Variants in AGPAT4 observed in about 807,000 individuals in gnomAD.
AGPAT4 encodes 1-acyl-sn-glycerol-3-phosphate acyltransferase delta.
Under a neutral mutation model 48.0 loss-of-function variants are expected in AGPAT4, and 15 were observed. That is an observed-to-expected ratio of 0.31 (90% CI 0.21 to 0.48). The LOEUF is 0.48. Among genes scored for constraint, AGPAT4 ranks in the 20% least tolerant of loss-of-function variants. The probability of loss-of-function intolerance (pLI) is 0.99; values close to 1 mark genes in which losing one functional copy is unlikely to be tolerated. For missense variants in AGPAT4, 314 were observed against 482.5 expected (o/e 0.65, Z 3.27); for synonymous variants, 178 against 198.7 (o/e 0.90, Z 0.88).
At chr6:161,237,075 A>T (rs567926282) in intron 1 of AGPAT4, among the ~76,000 whole-genome samples, 1 of 152,320 alleles carries the variant, frequency 6.6e-6, no homozygotes, top group Non-Finnish European at 1.5e-5. Context: ...CGGATACATT[A>T]TTGGAATTTT....
In AGPAT4 at chr6:161,154,317, CAGA is replaced by C. The variant is rs1328082529; in HGVS notation, c.349-10_349-8del. The C allele has an allele frequency of 1.2e-5, 19 of 1,613,978 alleles. No homozygotes were observed. Among genetic ancestry groups the C allele is most frequent in the African/African-American group, 2.7e-5 (2 of 74,932 alleles). On this transcript the variant is annotated splice_region_variant and splice_polypyrimidine_tract_variant and intron_variant, in intron 3 of 8. Transcript: ENST00000320285. The surrounding 1 kb of genome is among the most constrained non-coding windows in gnomAD (Gnocchi z 7.8). ...TGGCCAGGACCTTGGAGCCCTGAAACAGAAGAAGGAGCCCAGGTGCCCATGAAG... is the reference window on the plus strand; with the variant it reads ...TGGCCAGGACCTTGGAGCCCTGAAACAGAAGGAGCCCAGGTGCCCATGAAG...
chr6:161,272,968 A>G lies in AGPAT4; in HGVS notation c.-90+970T>C, dbSNP rs1013372452. Among the ~76,000 whole-genome samples the G allele has an allele frequency of 4.6e-5, 7 of 152,220 alleles. No homozygotes were observed. The highest frequency in any genetic ancestry group is 1.7e-4 in the African/African-American group (7 of 41,452). On this transcript the variant is annotated intron_variant, in intron 1 of 8. Transcript: ENST00000320285. This position sits in a 1 kb window ranked among gnomAD's most constrained non-coding sequence, Gnocchi z 4.2. ...TGTTGAACTTAAGATTTGGAGCTAA[A>G]TAAGTGCAGATGAGAGCAAAGACCC... is the stretch of plus-strand genomic sequence containing the variant.
rs981456739 is a variant in AGPAT4, at chr6:161,132,096, C to T, written c.*4444G>A. 6.6e-6 allele frequency: 1 copy of T among 152,148 alleles called. No individual in the cohort carries two copies. Among genetic ancestry groups the T allele is most frequent in the Non-Finnish European group, 1.5e-5 (1 of 68,074 alleles). The allele number at this position is 152,148 out of a possible 1,614,324, so 9.4% of individuals were successfully genotyped here. ...GAACCTGGGCCTTCATTACGGGCTC[C>T]GGTTTTGGAGTGCAGAGGGATTGGC... On this transcript the variant is annotated 3_prime_UTR_variant, in exon 9 of 9. Coordinates refer to ENST00000320285, the MANE Select transcript of AGPAT4 (RefSeq NM_020133.3).
intron 8 of AGPAT4, 38 bp from the exon 9 acceptor site, chr6:161,136,672 A>G (rs1160641841): frequency 1.3e-6 from 2 of 1,563,194 alleles, no homozygotes. Context: ...GAGTAGCCCA[A>G]ACAGACTACA....
intron 2 of AGPAT4, among the ~76,000 whole-genome samples, chr6:161,193,136 T>C (rs1216004376): frequency 6.6e-6 from 1 of 152,216 alleles, no homozygotes; most frequent in Non-Finnish European, 1.5e-5. Flanking sequence ...TCCATCCCCA[T>C]CTTCTGGAAG....
rs1462318019 is a variant in AGPAT4, at chr6:161,169,167, G to A, written c.179-2750C>T. 1.3e-5 allele frequency among the ~76,000 whole-genome samples: 2 copies of A among 152,118 alleles called. No individual in the cohort carries two copies. Among genetic ancestry groups the A allele is most frequent in the Non-Finnish European group, 2.9e-5 (2 of 68,030 alleles). On this transcript the variant is annotated intron_variant, in intron 2 of 8. Coordinates refer to ENST00000320285, the MANE Select transcript of AGPAT4 (RefSeq NM_020133.3). This position sits in a 1 kb window ranked among gnomAD's most constrained non-coding sequence, Gnocchi z 5.0. Reference sequence around the variant, plus strand: ...TCACAGAGACTTCTGGGTTACCAGAGTAAGGAGTTATGATTTATGATTTCA... The same window carrying A: ...TCACAGAGACTTCTGGGTTACCAGAATAAGGAGTTATGATTTATGATTTCA...
intron 5 of AGPAT4, among the ~76,000 whole-genome samples, chr6:161,151,303 G>A (rs1779586776): frequency 6.6e-6 from 1 of 152,242 alleles, no homozygotes; most frequent in Non-Finnish European, 1.5e-5. Context: ...CATCCCATGT[G>A]CACAGTGCGT....
rs944172356 is a variant in AGPAT4 at position 161,249,967 on chromosome 6, G to A, written c.-89-17665C>T. Among the ~76,000 whole-genome samples the A allele has an allele frequency of 2.0e-5, 3 of 152,200 alleles. No homozygotes were observed. The highest frequency in any genetic ancestry group is 1.5e-5 in the Non-Finnish European group (1 of 68,040). ...CCTCAATGCCCATCAATAGTAGACT[G>A]GATAAAGGAAATGTGGTACATATAT... On this transcript the variant is annotated intron_variant, in intron 1 of 8. Coordinates refer to ENST00000320285, the MANE Select transcript of AGPAT4 (RefSeq NM_020133.3). The surrounding 1 kb of genome is among the most constrained non-coding windows in gnomAD (Gnocchi z 6.2).
chr6:161,170,420 ATAGT>A (rs1216597658), intron 2 of AGPAT4, among the ~76,000 whole-genome samples: 1 of 151,962 alleles, frequency 6.6e-6, no homozygotes, highest in Non-Finnish European at 1.5e-5. Flanking sequence ...AAATAGTCTT[ATAGT>A]TTTTTCCCCT....
chr6:161,149,023 A>T lies in AGPAT4; in HGVS notation c.767+164T>A, dbSNP rs1779515733. ...AGGAGCTGGGACGGAAGGAGACTTC[A>T]GCAGATCATTCCAATAGTAGGATGT... On this transcript the variant is annotated intron_variant, in intron 6 of 8. Transcript: ENST00000320285. This position sits in a 1 kb window ranked among gnomAD's most constrained non-coding sequence, Gnocchi z 6.5. 3 of 564,652 alleles carry T rather than the reference A, an allele frequency of 5.3e-6. No individual in the cohort carries two copies. Among genetic ancestry groups the T allele is most frequent in the East Asian group, 1.5e-4 (1 of 6,856 alleles). 35.0% of individuals were successfully genotyped at this position (564,652 alleles called of 1,614,324 possible). A position where few individuals can be genotyped will look rare whatever the true frequency, so the allele number is the denominator to read the frequency against.
In AGPAT4 at chr6:161,219,893, A is replaced by AGGCAGGCAGGCAGGCAGGCAGGC. The variant is rs1410490202; in HGVS notation, c.178+12120_178+12142dup. Among the ~76,000 whole-genome samples the AGGCAGGCAGGCAGGCAGGCAGGC allele has an allele frequency of 7.3e-6, 1 of 137,590 alleles. No individual in the cohort carries two copies. The highest frequency in any genetic ancestry group is 3.1e-5 in the African/African-American group (1 of 32,448). 90.3% of individuals were successfully genotyped at this position (137,590 alleles called of 152,430 possible). ...TAGATAGGCAGGCAGGCAGGCAGGC[A>AGGCAGGCAGGCAGGCAGGCAGGC]GGCAGGCAGGCAGGCAGGCAGGCGG... On this transcript the variant is annotated intron_variant, in intron 2 of 8. Coordinates refer to ENST00000320285, the MANE Select transcript of AGPAT4 (RefSeq NM_020133.3). The surrounding 1 kb of genome is among the most constrained non-coding windows in gnomAD (Gnocchi z 4.9).
Position 161,266,716 on chromosome 6 carries a change from C to T in AGPAT4, c.-90+7222G>A, listed in dbSNP as rs771559816. 3.3e-5 allele frequency among the ~76,000 whole-genome samples: 5 copies of T among 152,170 alleles called. No individual in the cohort carries two copies. Among genetic ancestry groups the T allele is most frequent in the Non-Finnish European group, 5.9e-5 (4 of 68,038 alleles). On this transcript the variant is annotated intron_variant, in intron 1 of 8. Transcript: ENST00000320285. This position sits in a 1 kb window ranked among gnomAD's most constrained non-coding sequence, Gnocchi z 6.2. ...TGAGCCTGATGACTTACTCCTGGGA[C>T]GCAGGACACAGTCTGAGATGATTGC...
chr6:161,144,707 G>T lies in AGPAT4; in HGVS notation c.843+1817C>A, dbSNP rs377602946. On this transcript the variant is annotated intron_variant, in intron 7 of 8. Coordinates refer to ENST00000320285, the MANE Select transcript of AGPAT4 (RefSeq NM_020133.3). The surrounding 1 kb of genome is among the most constrained non-coding windows in gnomAD (Gnocchi z 6.6). Reference sequence around the variant, plus strand: ...AAAAGTAACATTTTCGGCTGGGCACGGTGGCTCACGCCTGTAATCCCAGCA... The same window carrying T: ...AAAAGTAACATTTTCGGCTGGGCACTGTGGCTCACGCCTGTAATCCCAGCA... Among the ~76,000 whole-genome samples the T allele has an allele frequency of 2.6e-5, 4 of 152,124 alleles. No homozygotes were observed. The highest frequency in any genetic ancestry group is 9.7e-5 in the African/African-American group (4 of 41,408).
rs1266906874 is a variant in AGPAT4, at chr6:161,158,687, C to CT, written c.349-4378dup. 3.9e-5 allele frequency among the ~76,000 whole-genome samples: 6 copies of CT among 152,212 alleles called. No homozygotes were observed. Among genetic ancestry groups the CT allele is most frequent in the African/African-American group, 1.4e-4 (6 of 41,456 alleles). ...CAGAGAGGGCCTGAGACCCAGTACT[C>CT]TGACCCTGACCTTCAGAAGCTCTAC... On this transcript the variant is annotated intron_variant, in intron 3 of 8. Coordinates refer to ENST00000320285, the MANE Select transcript of AGPAT4 (RefSeq NM_020133.3). The surrounding 1 kb of genome is among the most constrained non-coding windows in gnomAD (Gnocchi z 5.3).
At position 161,220,254 on chromosome 6, in the gene AGPAT4, TA is replaced by T. The variant is rs1482059454; in HGVS notation, c.178+11781del. On this transcript the variant is annotated intron_variant, in intron 2 of 8. Transcript: ENST00000320285. The surrounding 1 kb of genome is among the most constrained non-coding windows in gnomAD (Gnocchi z 6.0). ...ATTCCTAATACCTCCTTCTTTCTCC[TA>T]AATAAACAAAAATGTGTTGGCATGA... 6.6e-6 allele frequency among the ~76,000 whole-genome samples: 1 copy of T among 152,162 alleles called. No individual in the cohort carries two copies. Among genetic ancestry groups the T allele is most frequent in the Admixed American group, 6.5e-5 (1 of 15,282 alleles).
rs1290669946 is a variant in AGPAT4 at position 161,169,207 on chromosome 6, T to TA, written c.179-2791dup. ...TTATGATTTCATTCTAAAGGCAATA[T>TA]AAAAACCACTGGAGCATTTTTAAAT... On this transcript the variant is annotated intron_variant, in intron 2 of 8. Transcript: ENST00000320285. This position sits in a 1 kb window ranked among gnomAD's most constrained non-coding sequence, Gnocchi z 5.0. Among the ~76,000 whole-genome samples the TA allele has an allele frequency of 6.6e-6, 1 of 151,976 alleles. No individual in the cohort carries two copies. Among genetic ancestry groups the TA allele is most frequent in the African/African-American group, 2.4e-5 (1 of 41,360 alleles).
intron 1 of AGPAT4, among the ~76,000 whole-genome samples, chr6:161,247,850 C>T (rs938241771): frequency 2.0e-5 from 3 of 151,782 alleles, no homozygotes; most frequent in Non-Finnish European, 4.4e-5. Flanking sequence ...GGTGTGGTGG[C>T]ACATGTCTGT....
intron 1 of AGPAT4, among the ~76,000 whole-genome samples, chr6:161,268,140 C>T (rs551446785): frequency 6.6e-6 from 1 of 152,268 alleles, no homozygotes; most frequent in South Asian, 2.1e-4. Flanking sequence ...TTTTCACACA[C>T]TAGCTTTGTT....
chr6:161,168,108 G>C (rs1351066789), intron 2 of AGPAT4, among the ~76,000 whole-genome samples: 1 of 152,086 alleles, frequency 6.6e-6, no homozygotes, highest in Admixed American at 6.5e-5. Context: ...AGTTGGTTGT[G>C]GGGGCAGGAA....
Sources: allele counts gnomAD v4.1 joint callset (sites outside exome capture counted in the v4.1 genomes callset), GRCh38; gene constraint gnomAD v4.1.1; non-coding constraint Gnocchi (gnomAD v3.1); transcripts MANE v1.5; gene names NCBI Gene and HGNC (gene_info 2026-07-23, HGNC 2026-07-21).